UNC79: variants seen among roughly 807,000 people sequenced by gnomAD.
UNC79 encodes protein unc-79 homolog.
In UNC79, 37 loss-of-function variants were observed where a neutral mutation model predicts 283.1. The ratio of observed to expected loss-of-function variants is 0.13; its 90% CI spans 0.10 to 0.17. The LOEUF (loss-of-function observed/expected upper bound fraction) is 0.17. Ranked by LOEUF, UNC79 falls within the 10% of genes least tolerant of loss-of-function variation. The probability of loss-of-function intolerance (pLI) is 1.00; values close to 1 mark genes in which losing one functional copy is unlikely to be tolerated. For synonymous variants in UNC79, 1,107 were observed against 1,200.2 expected, an observed-to-expected ratio of 0.92 and a Z score of 1.61; for missense variants, 2,272 against 3,211.1, an observed-to-expected ratio of 0.71 and a Z score of 7.07.
chr14:93,409,148 AGTTT>A (rs901363269), intron 1 of UNC79, among the ~76,000 whole-genome samples: 2 of 152,200 alleles, frequency 1.3e-5, no homozygotes, highest in African/African-American at 2.4e-5. Flanking sequence ...GTAGATGCTA[AGTTT>A]GTTTATGTAG....
At chr14:93,683,534 G>A (rs1158523347) in intron 42 of UNC79, among the ~76,000 whole-genome samples, 4 of 152,326 alleles carry the variant, frequency 2.6e-5, no homozygotes, top group African/African-American at 9.6e-5. Flanking sequence ...TGGCTAGCCA[G>A]TCTCTGCTGC....
chr14:93,495,328 C>G (rs570943487), intron 5 of UNC79, among the ~76,000 whole-genome samples: 37 of 152,290 alleles, frequency 2.4e-4, no homozygotes, highest in Non-Finnish European at 4.4e-4. Flanking sequence ...ATGGTGGCAG[C>G]AAGTGCAGGG....
intron 18 of UNC79, 28 bp from the exon 19 acceptor site, chr14:93,580,121 C>T (rs764048005): frequency 3.4e-5 from 52 of 1,550,656 alleles, no homozygotes; most frequent in South Asian, 1.1e-4. Flanking sequence ...TGTGTGTGTG[C>T]GTGTGTCCTT....
chr14:93,646,653 T>G lies in UNC79; in HGVS notation c.6083+7T>G, dbSNP rs777814074. 1.2e-6 allele frequency: 2 copies of G among 1,613,748 alleles called. No homozygotes were observed. The highest frequency in any genetic ancestry group is 1.7e-6 in the Non-Finnish European group (2 of 1,179,764). ...TTTCTAATCAAGCAGAAAGGTAAGG[T>G]CCTAACGGGAGCCCAGATCTCACTT... On this transcript the variant is annotated splice_region_variant and intron_variant, in intron 35 of 48. Transcript: ENST00000555664.
At chr14:93,651,603 G>A (rs749238304) in intron 35 of UNC79, among the ~76,000 whole-genome samples, 2 of 152,046 alleles carry the variant, frequency 1.3e-5, no homozygotes, top group East Asian at 1.9e-4. Context: ...TTGCATATTA[G>A]CATGTATTCT....
At chr14:93,391,123 CA>C (rs532333692) in intron 1 of UNC79, among the ~76,000 whole-genome samples, 795 of 152,004 alleles carry the variant, frequency 5.2e-3, no homozygotes, top group Non-Finnish European at 8.7e-3. Flanking sequence ...CTGATTGACA[CA>C]AAAAAATAGA....
rs796329770 is a variant in UNC79 at position 93,642,356 on chromosome 14, C to T, written c.5903+1109C>T. On this transcript the variant is annotated intron_variant, in intron 33 of 48. Coordinates refer to ENST00000555664, the Ensembl canonical transcript of UNC79. ...AGGAGAATGTCGTGAACCTGGGAGG[C>T]GGAGCTTGCAGTGAGCCGAGATTGT... Among the ~76,000 whole-genome samples the T allele has an allele frequency of 3.6e-5, 5 of 139,670 alleles. No homozygotes were observed. The East Asian group carries it at 6.4e-4, about 18-fold the overall frequency. 91.6% of individuals were successfully genotyped at this position (139,670 alleles called of 152,430 possible).
intron 1 of UNC79, among the ~76,000 whole-genome samples, chr14:93,350,530 A>G (rs2053962649): frequency 6.6e-6 from 1 of 152,224 alleles, no homozygotes. Context: ...AGAATTTATA[A>G]AAGGAACGTT....
At chr14:93,706,126 G>A (rs75521011) in intron 48 of UNC79, among the ~76,000 whole-genome samples, 1,525 of 152,254 alleles carry the variant, frequency 0.01, 28 homozygotes, top group African/African-American at 0.034. Flanking sequence ...GGAGCAGGCC[G>A]ACAGAACTCC....
At chr14:93,347,494 G>T in intron 1 of UNC79, 1 of 1,280,548 alleles carries the variant, frequency 7.8e-7, no homozygotes, top group African/African-American at 1.6e-5. Context: ...TGCAGGCCTC[G>T]CGTGGGAGGC....
intron 38 of UNC79, 50 bp from the exon 42 acceptor site, chr14:93,659,143 T>A: frequency 6.8e-7 from 1 of 1,460,986 alleles, no homozygotes; most frequent in Non-Finnish European, 9.4e-7. Context: ...GAAGCAAAAG[T>A]TATATTAAGG....
downstream of UNC79, chr14:93,706,966 C>A: frequency 1.3e-6 from 2 of 1,571,814 alleles, no homozygotes; most frequent in Non-Finnish European, 8.7e-7. Flanking sequence ...TAAAAACAAA[C>A]AATTTGATCC....
At chr14:93,537,877 C>T in intron 11 of UNC79, 112 bp from the exon 12 acceptor site, 3 of 1,008,138 alleles carry the variant, frequency 3.0e-6, no homozygotes, top group Non-Finnish European at 4.3e-6. Context: ...AACTAGTGGC[C>T]CTTGAATGTG....
intron 18 of UNC79, 64 bp downstream of exon 18, chr14:93,578,127 A>T: frequency 6.9e-7 from 1 of 1,459,200 alleles, no homozygotes; most frequent in South Asian, 1.2e-5. Flanking sequence ...TTGTACAGCA[A>T]TTCTTTCCAT....
chr14:93,368,259 G>C (rs1182061114), intron 1 of UNC79, among the ~76,000 whole-genome samples: 1 of 151,968 alleles, frequency 6.6e-6, no homozygotes, highest in African/African-American at 2.4e-5. Context: ...TATTTTACTT[G>C]CTATCAAAAT....
intron 26 of UNC79, among the ~76,000 whole-genome samples, chr14:93,604,116 G>A (rs1262423661): frequency 6.6e-6 from 1 of 151,780 alleles, no homozygotes; most frequent in Admixed American, 6.6e-5. Flanking sequence ...GACTCATGAA[G>A]GACAAATAAT....
In UNC79 at chr14:93,529,272, G is replaced by A. The variant is rs1166197793; in HGVS notation, c.1053-14G>A. The A allele has an allele frequency of 2.5e-6, 4 of 1,612,542 alleles. No individual in the cohort carries two copies. Among genetic ancestry groups the A allele is most frequent in the Non-Finnish European group, 3.4e-6 (4 of 1,179,496 alleles). ...TCAATGAAGCTCAAAAATGAATTTT[G>A]TTTTTTTCAATAGGGACCACAGTGA... On this transcript the variant is annotated splice_polypyrimidine_tract_variant and intron_variant, in intron 9 of 48. Transcript: ENST00000555664.
At chr14:93,658,688 A>G (rs1490322441) in intron 38 of UNC79, among the ~76,000 whole-genome samples, 1 of 152,172 alleles carries the variant, frequency 6.6e-6, no homozygotes, top group African/African-American at 2.4e-5. Flanking sequence ...CATAGCAGAG[A>G]AAGGGCAGAT....
chr14:93,646,757 C>T, intron 35 of UNC79, 111 bp downstream of exon 38: 1 of 1,213,432 alleles, frequency 8.2e-7, no homozygotes, highest in African/African-American at 1.5e-5. Context: ...CGTCTGTAAT[C>T]TCAGCACTTT....
Sources: allele counts gnomAD v4.1 joint callset (sites outside exome capture counted in the v4.1 genomes callset), GRCh38; gene constraint gnomAD v4.1.1; transcripts MANE v1.5; gene names NCBI Gene and HGNC (gene_info 2026-07-23, HGNC 2026-07-21).